The following RORA variants were observed in gnomAD, a reference collection of about 807,000 sequenced individuals.
RORA encodes the protein RAR related orphan receptor A.
A neutral mutation model predicts 69.5 loss-of-function variants in RORA; 7 were observed. That is an observed-to-expected ratio of 0.10 (90% CI 0.06 to 0.19). The LOEUF (loss-of-function observed/expected upper bound fraction) is 0.19. Ranked by LOEUF, RORA falls within the 10% of genes least tolerant of loss-of-function variation. The probability of loss-of-function intolerance (pLI) is 1.00; values close to 1 mark genes in which losing one functional copy is unlikely to be tolerated. For missense variants in RORA, 457 were observed against 663.0 expected, an observed-to-expected ratio of 0.69 and a Z score of 3.41; for synonymous variants, 261 against 240.8, an observed-to-expected ratio of 1.08 and a Z score of -0.78.
chr15:61,004,168 G>C (rs1029314136), intron 1 of RORA, among the ~76,000 whole-genome samples: 1 of 152,058 alleles, frequency 6.6e-6, no homozygotes, highest in Admixed American at 6.5e-5. Flanking sequence ...TTTATTGACA[G>C]TACTTACTTC....
At position 60,537,610 on chromosome 15, in the gene RORA, G is replaced by A. The variant is rs905746009; in HGVS notation, c.197-5759C>T. On this transcript the variant is annotated intron_variant, in intron 2 of 10. Transcript: ENST00000335670. This position sits in a 1 kb window ranked among gnomAD's most constrained non-coding sequence, Gnocchi z 4.9. ...ACCTGGACCTGTGGCTTGGAATAGA[G>A]TATGGGTATGTTCCATAGCACAGGC... 6.6e-6 allele frequency among the ~76,000 whole-genome samples: 1 copy of A among 152,206 alleles called. No homozygotes were observed. The highest frequency in any genetic ancestry group is 2.4e-5 in the African/African-American group (1 of 41,450).
chr15:60,705,124 C>T (rs1353987363), intron 1 of RORA, among the ~76,000 whole-genome samples: 1 of 57,562 alleles, frequency 1.7e-5, no homozygotes, highest in East Asian at 8.7e-4. Context: ...CATTTTTGTG[C>T]CAGAAAAAAA....
chr15:60,634,288 G>C (rs1300249885), intron 2 of RORA, among the ~76,000 whole-genome samples: 1 of 152,108 alleles, frequency 6.6e-6, no homozygotes, highest in Non-Finnish European at 1.5e-5. Context: ...AAGTCACCTA[G>C]TACTTGCACT....
intron 1 of RORA, among the ~76,000 whole-genome samples, chr15:61,127,210 TG>T (rs982757019): frequency 1.3e-5 from 2 of 152,186 alleles, no homozygotes; most frequent in African/African-American, 4.8e-5. Context: ...AAACAATGCT[TG>T]GCAGTTTTTC....
At chr15:60,515,987 A>ATT (rs1464801844) in intron 3 of RORA, among the ~76,000 whole-genome samples, 419 of 6,864 alleles carry the variant, frequency 0.061, 37 homozygotes, top group Non-Finnish European at 0.09. Context: ...ATATTTATAT[A>ATT]TATTTATATA....
At chr15:60,869,392 A>G (rs1320463671) in intron 1 of RORA, among the ~76,000 whole-genome samples, 1 of 152,228 alleles carries the variant, frequency 6.6e-6, no homozygotes, top group Non-Finnish European at 1.5e-5. Context: ...AGGATAGGCC[A>G]CAATATAGAT....
intron 1 of RORA, among the ~76,000 whole-genome samples, chr15:60,987,805 G>A (rs1894252459): frequency 6.6e-6 from 1 of 152,168 alleles, no homozygotes; most frequent in Non-Finnish European, 1.5e-5. Context: ...TTTTATCTCA[G>A]TTACAGACAG....
chr15:60,518,612 C>T (rs1321164610), intron 3 of RORA, among the ~76,000 whole-genome samples: 1 of 152,226 alleles, frequency 6.6e-6, no homozygotes, highest in Non-Finnish European at 1.5e-5. Context: ...CGCCATGATT[C>T]CCCTGCCCTG....
Position 60,550,511 on chromosome 15 carries a change from T to TA in RORA, c.197-18661dup, listed in dbSNP as rs541991710. Among the ~76,000 whole-genome samples, 591 of 152,324 alleles carry TA rather than the reference T, an allele frequency of 3.9e-3. 6 individuals carry two copies. The highest frequency in any genetic ancestry group is 0.012 in the East Asian group (62 of 5,186). ...ACTTTTTTTGCTATAAGAGCATATTTAAAAAATATCAATGAAAGTGTTACC... is the reference window on the plus strand; with the variant it reads ...ACTTTTTTTGCTATAAGAGCATATTTAAAAAAATATCAATGAAAGTGTTACC... On this transcript the variant is annotated intron_variant, in intron 2 of 10. Coordinates refer to ENST00000335670, the MANE Select transcript of RORA (RefSeq NM_134261.3).
At chr15:60,558,300 T>C (rs1406664440) in intron 2 of RORA, 2 of 1,611,376 alleles carry the variant, frequency 1.2e-6, no homozygotes, top group Non-Finnish European at 1.7e-6. Flanking sequence ...TCCCAAAAAG[T>C]TCATCCCTGG....
chr15:60,749,701 C>T (rs2071696739), intron 1 of RORA, among the ~76,000 whole-genome samples: 1 of 152,066 alleles, frequency 6.6e-6, no homozygotes, highest in Non-Finnish European at 1.5e-5. Flanking sequence ...ACCTAAAGAT[C>T]TAAATCTAAA....
intron 1 of RORA, among the ~76,000 whole-genome samples, chr15:60,710,736 A>C (rs1047610812): frequency 3.9e-5 from 6 of 152,228 alleles, no homozygotes; most frequent in South Asian, 2.1e-4. Context: ...CAGTGGGATG[A>C]TGTTGGTGGG....
intron 1 of RORA, among the ~76,000 whole-genome samples, chr15:60,804,328 A>G (rs1224922094): frequency 6.8e-6 from 1 of 146,248 alleles, no homozygotes; most frequent in Non-Finnish European, 1.5e-5. Context: ...TAGTTAACAC[A>G]TGTTTGCTCT....
At chr15:61,149,142 G>A (rs2079375915) in intron 1 of RORA, among the ~76,000 whole-genome samples, 1 of 152,184 alleles carries the variant, frequency 6.6e-6, no homozygotes, top group African/African-American at 2.4e-5. Context: ...CTCTGTTCCT[G>A]TGCTATCTCC....
At chr15:60,506,034 A>G (rs1407261848) in intron 5 of RORA, among the ~76,000 whole-genome samples, 1 of 152,198 alleles carries the variant, frequency 6.6e-6, no homozygotes, top group Non-Finnish European at 1.5e-5. Context: ...TTCTTGAAAA[A>G]CTAGAAAATG....
At chr15:60,587,130 C>A (rs1434616616) in intron 2 of RORA, among the ~76,000 whole-genome samples, 2 of 152,044 alleles carry the variant, frequency 1.3e-5, no homozygotes, top group African/African-American at 4.8e-5. Flanking sequence ...ATCATAATGG[C>A]GATTGGTTAC....
At chr15:60,527,159 C>T (rs2066385683) in intron 3 of RORA, among the ~76,000 whole-genome samples, 1 of 152,174 alleles carries the variant, frequency 6.6e-6, no homozygotes, top group South Asian at 2.1e-4. Flanking sequence ...AATTCACTAA[C>T]CCCAATACTG....
Position 60,804,246 on chromosome 15 carries a change from C to T in RORA, c.167-125560G>A, listed in dbSNP as rs534544283. On this transcript the variant is annotated intron_variant, in intron 1 of 10. Coordinates refer to ENST00000335670, the MANE Select transcript of RORA (RefSeq NM_134261.3). ...GAGGTTGCAGTTAGCCGAGATCACA[C>T]CACGGGACTCCAGCCTGGGCAACAA... Among the ~76,000 whole-genome samples the T allele has an allele frequency of 2.2e-5, 3 of 139,194 alleles. No homozygotes were observed. The South Asian group carries it at 6.9e-4, about 32-fold the overall frequency. The allele number at this position is 139,194 out of a possible 152,430, so 91.3% of individuals were successfully genotyped here. A position where few individuals can be genotyped will look rare whatever the true frequency, so the allele number is the denominator to read the frequency against.
At chr15:61,064,698 G>A (rs1397511345) in intron 1 of RORA, among the ~76,000 whole-genome samples, 1 of 152,180 alleles carries the variant, frequency 6.6e-6, no homozygotes, top group Non-Finnish European at 1.5e-5. Context: ...GCAGATGGTT[G>A]CAGGACCAGC....
Sources: allele counts gnomAD v4.1 joint callset (sites outside exome capture counted in the v4.1 genomes callset), GRCh38; gene constraint gnomAD v4.1.1; non-coding constraint Gnocchi (gnomAD v3.1); transcripts MANE v1.5; gene names NCBI Gene and HGNC (gene_info 2026-07-23, HGNC 2026-07-21).